Variants in MPPED1 observed in about 807,000 individuals in gnomAD.
MPPED1 encodes the protein metallophosphoesterase domain containing 1, also known as metallophosphoesterase domain-containing protein 1.
A neutral mutation model predicts 36.2 loss-of-function variants in MPPED1; 16 were observed. The observed-to-expected ratio is 0.44, with a 90% CI of 0.30 to 0.67. MPPED1 has a LOEUF of 0.67. Among genes scored for constraint, MPPED1 ranks in the 30% least tolerant of loss-of-function variants. The probability of loss-of-function intolerance (pLI) is 0.10; values close to 1 mark genes in which losing one functional copy is unlikely to be tolerated. For missense variants in MPPED1, 307 were observed against 453.4 expected, an observed-to-expected ratio of 0.68 and a Z score of 2.93; for synonymous variants, 199 against 191.3, an observed-to-expected ratio of 1.04 and a Z score of -0.33.
intron 1 of MPPED1, among the ~76,000 whole-genome samples, chr22:43,412,529 G>T (rs1463143644): frequency 2.0e-5 from 3 of 152,210 alleles, no homozygotes; most frequent in Non-Finnish European, 4.4e-5. Context: ...CGCTTGTAGA[G>T]AGCCTACTGT....
At chr22:43,487,247 G>A (rs1054689145) in intron 4 of MPPED1, among the ~76,000 whole-genome samples, 3 of 152,274 alleles carry the variant, frequency 2.0e-5, no homozygotes, top group South Asian at 2.1e-4. Flanking sequence ...CCTTTGAGCC[G>A]GTCCTTAATA....
intron 6 of MPPED1, among the ~76,000 whole-genome samples, chr22:43,505,207 G>T (rs1932784623): frequency 6.6e-6 from 1 of 152,078 alleles, no homozygotes; most frequent in African/African-American, 2.4e-5. Flanking sequence ...CGAGGATGGT[G>T]GTGAAGATGA....
intron 4 of MPPED1, among the ~76,000 whole-genome samples, chr22:43,478,085 C>T (rs1245058617): frequency 6.6e-6 from 1 of 152,218 alleles, no homozygotes; most frequent in African/African-American, 2.4e-5. Flanking sequence ...TACAGAAGGG[C>T]AGGTAGAGGT....
rs1044132295 is a variant in MPPED1 at position 43,467,723 on chromosome 22, C to T, written c.407-7013C>T. The stretch of plus-strand genomic sequence containing the variant: ...TGCCGTCTCTTTATTCCATCCCCCT[C>T]TGCTGTGTTCTGCGAGATGGGAATG... On this transcript the variant is annotated intron_variant, in intron 3 of 6. Coordinates refer to ENST00000443721, the MANE Select transcript of MPPED1 (RefSeq NM_001044370.2). 2.0e-5 allele frequency among the ~76,000 whole-genome samples: 3 copies of T among 152,206 alleles called. No homozygotes were observed. The South Asian group carries it at 6.2e-4, about 32-fold the overall frequency.
At chr22:43,440,769 G>C (rs1021835376) in intron 3 of MPPED1, among the ~76,000 whole-genome samples, 1 of 151,986 alleles carries the variant, frequency 6.6e-6, no homozygotes, top group Non-Finnish European at 1.5e-5. Context: ...CGCCACCCTT[G>C]GGAGTGACTG....
chr22:43,491,742 A>ATGGTGATGGAGGTAG (rs1261865800), intron 4 of MPPED1, among the ~76,000 whole-genome samples: 3 of 95,732 alleles, frequency 3.1e-5, no homozygotes, highest in Admixed American at 2.0e-4. Flanking sequence ...GGTGGTGGTG[A>ATGGTGATGGAGGTAG]TGGTGATGGA....
At position 43,427,990 on chromosome 22, in the gene MPPED1, G is replaced by A. The variant is rs114379524; in HGVS notation, c.224+2781G>A. ...CTGGGGATGAAATAGTTAAATCCTC[G>A]TAGAGAAGGCGCGGTGGGCAGCAAG... On this transcript the variant is annotated intron_variant, in intron 2 of 6. Transcript: ENST00000443721. Among the ~76,000 whole-genome samples the A allele has an allele frequency of 2.5e-3, 380 of 152,280 alleles. 1 individual carries two copies. Among genetic ancestry groups the A allele is most frequent in the African/African-American group, 7.8e-3 (324 of 41,542 alleles).
intron 3 of MPPED1, among the ~76,000 whole-genome samples, chr22:43,446,402 G>A (rs1189564769): frequency 5.9e-5 from 9 of 152,160 alleles, no homozygotes; most frequent in South Asian, 2.1e-4. Flanking sequence ...TATGATGGGG[G>A]TGTTCAGGCT....
chr22:43,499,108 G>A (rs1185293412), intron 5 of MPPED1, among the ~76,000 whole-genome samples: 3 of 151,224 alleles, frequency 2.0e-5, no homozygotes, highest in African/African-American at 7.3e-5. Context: ...TGGAGGTGGT[G>A]ATGGTGGTGG....
chr22:43,447,255 T>A (rs1326660450), intron 3 of MPPED1, among the ~76,000 whole-genome samples: 1 of 152,176 alleles, frequency 6.6e-6, no homozygotes, highest in African/African-American at 2.4e-5. Flanking sequence ...GAAGCAAGAT[T>A]TTCTTACTGA....
intron 3 of MPPED1, among the ~76,000 whole-genome samples, chr22:43,449,844 C>A (rs1163828204): frequency 6.6e-6 from 1 of 150,896 alleles, no homozygotes; most frequent in Non-Finnish European, 1.5e-5. Context: ...GAGACCCGAA[C>A]AAGATAATGC....
intron 3 of MPPED1, among the ~76,000 whole-genome samples, chr22:43,460,254 CAAACCCAAA>C (rs1930905712): frequency 7.7e-6 from 1 of 130,504 alleles, no homozygotes; most frequent in Admixed American, 7.9e-5. Context: ...AAAACAAAAA[CAAACCCAAA>C]CCCCCCCCCC....
chr22:43,478,894 G>A (rs1288203249), intron 4 of MPPED1, among the ~76,000 whole-genome samples: 4 of 152,244 alleles, frequency 2.6e-5, no homozygotes, highest in African/African-American at 4.8e-5. Flanking sequence ...GGGAGCGTGC[G>A]ACACTACCCT....
At chr22:43,453,305 T>C (rs1930637903) in intron 3 of MPPED1, among the ~76,000 whole-genome samples, 1 of 148,446 alleles carries the variant, frequency 6.7e-6, no homozygotes, top group Non-Finnish European at 1.5e-5. Context: ...AACATCGCTA[T>C]GGGCCGTTTC....
intron 3 of MPPED1, among the ~76,000 whole-genome samples, chr22:43,447,838 A>G (rs1428455669): frequency 7.4e-6 from 1 of 134,354 alleles, no homozygotes; most frequent in African/African-American, 2.8e-5. Flanking sequence ...TAAATATAAA[A>G]ATATTTTATA....
intron 1 of MPPED1, chr22:43,418,879 G>A (rs1929167031): frequency 1.3e-5 from 2 of 152,506 alleles, no homozygotes; most frequent in South Asian, 4.1e-4. Flanking sequence ...GGTGGGGCGA[G>A]AAGGAAGGGG....
chr22:43,442,512 G>A (rs1292100692), intron 3 of MPPED1, among the ~76,000 whole-genome samples: 5 of 152,312 alleles, frequency 3.3e-5, no homozygotes, highest in Middle Eastern at 6.8e-3. Flanking sequence ...GCCCCTGTGC[G>A]GGGCTGCTCC....
At chr22:43,463,334 T>TTC (rs199979039) in intron 3 of MPPED1, among the ~76,000 whole-genome samples, 3,313 of 146,150 alleles carry the variant, frequency 0.023, 131 homozygotes, top group African/African-American at 0.078. Flanking sequence ...ATTTTTTCTT[T>TTC]TTTTTTTTTT....
chr22:43,426,704 A>G (rs1283287085), intron 2 of MPPED1, among the ~76,000 whole-genome samples: 1 of 152,188 alleles, frequency 6.6e-6, no homozygotes, highest in Non-Finnish European at 1.5e-5. Context: ...AGGGCTCTGC[A>G]GGGCAGCAGG....
Sources: gnomAD v4.1 joint callset for allele counts (sites outside exome capture counted in the v4.1 genomes callset) on GRCh38, gnomAD v4.1.1 for gene constraint, MANE v1.5 for transcripts, NCBI Gene and HGNC (gene_info 2026-07-23, HGNC 2026-07-21) for gene names.